The following PCDHA2 variants were observed in gnomAD, a reference collection of about 807,000 sequenced individuals.
PCDHA2 encodes the protein protocadherin alpha 2, also known as protocadherin alpha-2.
A neutral mutation model predicts 66.0 loss-of-function variants in PCDHA2; 58 were observed. The ratio of observed to expected loss-of-function variants is 0.88; its 90% CI spans 0.71 to 1.09. The LOEUF is 1.09. Among genes scored for constraint, PCDHA2 ranks in the 50% least tolerant of loss-of-function variants. The probability of loss-of-function intolerance (pLI) is 0.00; values close to 1 mark genes in which losing one functional copy is unlikely to be tolerated. For missense variants in PCDHA2, 1,267 were observed against 1,242.3 expected, an observed-to-expected ratio of 1.02 and a Z score of -0.30; for synonymous variants, 634 against 554.0, an observed-to-expected ratio of 1.14 and a Z score of -2.03.
chr5:140,982,797 G>A (rs2097006142), intron 3 of PCDHA2, among the ~76,000 whole-genome samples: 1 of 151,640 alleles, frequency 6.6e-6, no homozygotes, highest in Admixed American at 6.6e-5. Context: ...ATGTGTGCAT[G>A]TGTGTGTGTG....
rs1231451796 is a variant in PCDHA2, at chr5:140,869,049, G to T, written c.2388+71697G>T. On this transcript the variant is annotated intron_variant, in intron 1 of 3. Coordinates refer to ENST00000526136, the MANE Select transcript of PCDHA2 (RefSeq NM_018905.3). ...ACGAGATTTTTAACCTGAAACTGAA[G>T]AATCTGGTACTGTAAGTGTAAAGAA... 1.1e-5 allele frequency: 17 copies of T among 1,532,472 alleles called. No homozygotes were observed. The South Asian group carries it at 2.1e-4, about 19-fold the overall frequency. 94.9% of individuals were successfully genotyped at this position (1,532,472 alleles called of 1,614,324 possible).
chr5:140,861,715 C>A, intron 1 of PCDHA2: 1 of 216,886 alleles, frequency 4.6e-6, no homozygotes, highest in South Asian at 7.0e-5. Flanking sequence ...ACGTCGGGGC[C>A]AATGCTCTGA....
intron 1 of PCDHA2, among the ~76,000 whole-genome samples, chr5:140,846,143 A>G (rs1780220723): frequency 6.7e-6 from 1 of 149,736 alleles, no homozygotes; most frequent in African/African-American, 2.4e-5. Context: ...TCCCATATTT[A>G]AAAGTTGCCT....
chr5:140,925,685 G>T (rs1584406507), intron 1 of PCDHA2, among the ~76,000 whole-genome samples: 1 of 137,694 alleles, frequency 7.3e-6, no homozygotes, highest in South Asian at 2.3e-4. Flanking sequence ...ATAAAGCGAG[G>T]GTGGGTATCT....
chr5:140,951,773 A>T (rs1554220071), intron 1 of PCDHA2, among the ~76,000 whole-genome samples: 1 of 152,198 alleles, frequency 6.6e-6, no homozygotes, highest in East Asian at 1.9e-4. Context: ...TGACGTTCTT[A>T]CATTGCAAAA....
intron 1 of PCDHA2, among the ~76,000 whole-genome samples, chr5:140,949,557 T>C (rs955949496): frequency 6.6e-6 from 1 of 151,888 alleles, no homozygotes; most frequent in Non-Finnish European, 1.5e-5. Flanking sequence ...CTGGTCATAC[T>C]TTTTTTCTTG....
At chr5:140,938,415 T>A (rs1034279514) in intron 1 of PCDHA2, among the ~76,000 whole-genome samples, 6 of 152,190 alleles carry the variant, frequency 3.9e-5, no homozygotes, top group African/African-American at 1.4e-4. Context: ...TTGGGTTTAT[T>A]TGCAAAAATC....
chr5:140,819,494 A>T (rs2150104482), intron 1 of PCDHA2, among the ~76,000 whole-genome samples: 2 of 152,164 alleles, frequency 1.3e-5, no homozygotes, highest in Non-Finnish European at 2.9e-5. Context: ...AACATGACTG[A>T]AATATCTAAA....
chr5:140,809,161 G>C (rs782214418), intron 1 of PCDHA2: 1 of 1,613,954 alleles, frequency 6.2e-7, no homozygotes. Flanking sequence ...GCGAGCCCGC[G>C]CTGACGGCCA....
At chr5:140,921,202 C>T (rs528515993) in intron 1 of PCDHA2, among the ~76,000 whole-genome samples, 20 of 151,968 alleles carry the variant, frequency 1.3e-4, no homozygotes, top group African/African-American at 3.6e-4. Context: ...AGATTGACAA[C>T]GATAATTCAC....
At chr5:140,990,512 CTT>C (rs1323641272) in intron 3 of PCDHA2, among the ~76,000 whole-genome samples, 1 of 152,202 alleles carries the variant, frequency 6.6e-6, no homozygotes, top group African/African-American at 2.4e-5. Context: ...AGTCTTCTCT[CTT>C]GTCTTTTTTG....
chr5:140,830,654 A>T (rs1554132964), intron 1 of PCDHA2: 1 of 436,460 alleles, frequency 2.3e-6, no homozygotes, highest in African/African-American at 2.1e-5. Context: ...TTTAATATTC[A>T]TAATTTAAGT....
intron 1 of PCDHA2, among the ~76,000 whole-genome samples, chr5:140,886,671 C>A (rs1411583056): frequency 6.6e-6 from 1 of 151,634 alleles, no homozygotes; most frequent in East Asian, 1.9e-4. Context: ...ACTAAAAATA[C>A]AAAAATTAGC....
At position 140,857,333 on chromosome 5, in the gene PCDHA2, G is replaced by C. The variant is rs200210897; in HGVS notation, c.2388+59981G>C. On this transcript the variant is annotated intron_variant, in intron 1 of 3. Coordinates refer to ENST00000526136, the MANE Select transcript of PCDHA2 (RefSeq NM_018905.3). Reference sequence around the variant, plus strand: ...TGAGCTGGTGGTGACCGCGCGGGACGGGGGCTCGCCTCCGCTGTGGGCCAC... The same window carrying C: ...TGAGCTGGTGGTGACCGCGCGGGACCGGGGCTCGCCTCCGCTGTGGGCCAC... 1.4e-4 allele frequency: 230 copies of C among 1,598,472 alleles called. 32 individuals are homozygous for C. The highest frequency in any genetic ancestry group is 1.8e-4 in the Non-Finnish European group (207 of 1,167,970).
intron 1 of PCDHA2, among the ~76,000 whole-genome samples, chr5:140,936,918 T>C (rs2091208385): frequency 6.6e-6 from 1 of 152,198 alleles, no homozygotes; most frequent in Non-Finnish European, 1.5e-5. Flanking sequence ...CTGTAGAAAA[T>C]ATGGGGTATA....
chr5:140,899,833 G>T (rs2067579431), intron 1 of PCDHA2, among the ~76,000 whole-genome samples: 1 of 152,094 alleles, frequency 6.6e-6, no homozygotes, highest in African/African-American at 2.4e-5. Flanking sequence ...TTTTGAGACA[G>T]GTCTTGCTGT....
intron 1 of PCDHA2, chr5:140,809,286 T>A (rs782732716): frequency 1.2e-6 from 2 of 1,613,984 alleles, no homozygotes; most frequent in East Asian, 2.2e-5. Context: ...AACGTATACC[T>A]GATCATTGCC....
At chr5:140,848,358 G>T in intron 1 of PCDHA2, 1 of 1,051,266 alleles carries the variant, frequency 9.5e-7, no homozygotes, top group Non-Finnish European at 1.4e-6. Context: ...CTTTTCCCAT[G>T]GGAAAGAGGC....
intron 1 of PCDHA2, chr5:140,848,244 GA>G (rs1299433066): frequency 2.9e-5 from 13 of 449,890 alleles, no homozygotes; most frequent in Non-Finnish European, 5.1e-5. Context: ...AAGTTTTGCA[GA>G]ATAACTGTGA....
Sources: gnomAD v4.1 joint callset for allele counts (sites outside exome capture counted in the v4.1 genomes callset) on GRCh38, gnomAD v4.1.1 for gene constraint, MANE v1.5 for transcripts, NCBI Gene and HGNC (gene_info 2026-07-23, HGNC 2026-07-21) for gene names.